The following ANO2 variants were observed in gnomAD, a reference collection of about 807,000 sequenced individuals.
The protein encoded by ANO2 is anoctamin-2.
A neutral mutation model predicts 124.2 loss-of-function variants in ANO2; 101 were observed. That is an observed-to-expected ratio of 0.81 (90% CI 0.69 to 0.96). The LOEUF (loss-of-function observed/expected upper bound fraction) is 0.96. Ranked by LOEUF, ANO2 falls within the 40% of genes least tolerant of loss-of-function variation. The pLI, the probability that ANO2 is intolerant of heterozygous loss-of-function variation, is 0.00. For synonymous variants in ANO2, 486 were observed against 482.5 expected, an observed-to-expected ratio of 1.01 and a Z score of -0.09; for missense variants, 1,293 against 1,274.5, an observed-to-expected ratio of 1.01 and a Z score of -0.22.
chr12:5,896,199 T>G (rs1939774128), intron 3 of ANO2, among the ~76,000 whole-genome samples: 1 of 151,964 alleles, frequency 6.6e-6, no homozygotes, highest in Non-Finnish European at 1.5e-5. Flanking sequence ...TCCACTAAAA[T>G]CTCAGAAATA....
chr12:5,743,678 A>G (rs911144990), intron 12 of ANO2, among the ~76,000 whole-genome samples: 1 of 152,196 alleles, frequency 6.6e-6, no homozygotes, highest in African/African-American at 2.4e-5. Context: ...CAGGGACAGT[A>G]CAGTCTACAC....
intron 23 of ANO2, among the ~76,000 whole-genome samples, chr12:5,573,106 C>T (rs1008734601): frequency 7.2e-5 from 11 of 152,206 alleles, no homozygotes; most frequent in African/African-American, 2.7e-4. Context: ...AACTTAAAAA[C>T]ACAGTCAACA....
chr12:5,894,766 G>A lies in ANO2; in HGVS notation c.534+26274C>T, dbSNP rs186986424. On this transcript the variant is annotated intron_variant, in intron 3 of 24. Coordinates refer to ENST00000682330, the MANE Select transcript of ANO2 (RefSeq NM_001364791.2). ...ATAGGGAATCCTTTCCCCATTGCTT[G>A]TTTTTGTCAGGTTTGTCAAAGACCA... Among the ~76,000 whole-genome samples, 674 of 152,226 alleles carry A rather than the reference G, an allele frequency of 4.4e-3. 2 individuals are homozygous for A. The highest frequency in any genetic ancestry group is 7.1e-3 in the Non-Finnish European group (486 of 68,008).
At chr12:5,718,847 C>T (rs192761628) in intron 14 of ANO2, among the ~76,000 whole-genome samples, 1 of 152,168 alleles carries the variant, frequency 6.6e-6, no homozygotes, top group African/African-American at 2.4e-5. Context: ...GCTGGACTGC[C>T]CTTCCCTTGG....
At chr12:5,899,149 T>C (rs991502974) in intron 3 of ANO2, among the ~76,000 whole-genome samples, 1 of 152,154 alleles carries the variant, frequency 6.6e-6, no homozygotes, top group African/African-American at 2.4e-5. Flanking sequence ...GTAAACTCAT[T>C]GATTGAGACA....
At chr12:5,566,119 T>TCCC (rs1257914737) in intron 23 of ANO2, among the ~76,000 whole-genome samples, 1 of 152,240 alleles carries the variant, frequency 6.6e-6, no homozygotes, top group Admixed American at 6.5e-5. Flanking sequence ...TTGGGCTTCT[T>TCCC]CCCCTTCCAG....
chr12:5,822,121 C>T (rs1394286521), intron 7 of ANO2, among the ~76,000 whole-genome samples: 1 of 152,214 alleles, frequency 6.6e-6, no homozygotes, highest in Non-Finnish European at 1.5e-5. Context: ...GAAATCTTCC[C>T]AGTGGGCACT....
At chr12:5,855,757 T>A (rs946350594) in intron 3 of ANO2, among the ~76,000 whole-genome samples, 1 of 152,206 alleles carries the variant, frequency 6.6e-6, no homozygotes, top group African/African-American at 2.4e-5. Context: ...AGGGAAAATG[T>A]AAATGATTTG....
In ANO2 at chr12:5,610,563, TA is replaced by T. The variant is rs1944462975; in HGVS notation, c.2087+2092del. 2.1e-5 allele frequency among the ~76,000 whole-genome samples: 3 copies of T among 142,348 alleles called. No homozygotes were observed. The South Asian group carries it at 6.4e-4, about 30-fold the overall frequency. The allele number at this position is 142,348 out of a possible 152,430, so 93.4% of individuals were successfully genotyped here. ...TATTTTATGTTTTATAAAATATATA[TA>T]AAACAAATATATTTATATTTATATT... On this transcript the variant is annotated intron_variant, in intron 19 of 24. Transcript: ENST00000682330.
At chr12:5,598,989 C>T (rs1943798662) in intron 20 of ANO2, among the ~76,000 whole-genome samples, 1 of 152,192 alleles carries the variant, frequency 6.6e-6, no homozygotes, top group Non-Finnish European at 1.5e-5. Context: ...AAGCTTTCAT[C>T]TTATCCAGCC....
chr12:5,848,899 C>T (rs146733779), intron 4 of ANO2, among the ~76,000 whole-genome samples: 344 of 152,274 alleles, frequency 2.3e-3, no homozygotes, highest in African/African-American at 7.3e-3. Flanking sequence ...AATAACAATA[C>T]CAACAGCAGT....
At chr12:5,845,934 A>G (rs1954672939) in intron 4 of ANO2, among the ~76,000 whole-genome samples, 5 of 152,262 alleles carry the variant, frequency 3.3e-5, no homozygotes, top group Admixed American at 3.3e-4. Context: ...TATTAACTAT[A>G]TTTAAAACTC....
intron 14 of ANO2, among the ~76,000 whole-genome samples, chr12:5,683,352 T>C (rs1013441949): frequency 6.6e-6 from 1 of 152,166 alleles, no homozygotes; most frequent in Non-Finnish European, 1.5e-5. Context: ...CAGAGGTCTT[T>C]AGGAGATTCA....
chr12:5,617,324 C>T (rs541603919), intron 16 of ANO2, among the ~76,000 whole-genome samples: 2 of 151,756 alleles, frequency 1.3e-5, no homozygotes, highest in African/African-American at 4.8e-5. Context: ...TGTATCACAA[C>T]CTCAAGCTCA....
chr12:5,735,957 C>T (rs1950843824), intron 13 of ANO2, among the ~76,000 whole-genome samples: 1 of 152,204 alleles, frequency 6.6e-6, no homozygotes, highest in South Asian at 2.1e-4. Context: ...TCAGATAAGG[C>T]CACACTCTCT....
chr12:5,717,601 C>T (rs1950070363), intron 14 of ANO2, among the ~76,000 whole-genome samples: 1 of 152,316 alleles, frequency 6.6e-6, no homozygotes, highest in African/African-American at 2.4e-5. Context: ...GCACCCAATC[C>T]TCTTGCCTCC....
intron 11 of ANO2, among the ~76,000 whole-genome samples, chr12:5,747,556 G>GA (rs2137087304): frequency 6.6e-6 from 1 of 152,192 alleles, no homozygotes; most frequent in African/African-American, 2.4e-5. Flanking sequence ...TCCTGAGTCT[G>GA]AAAAAACAAC....
chr12:5,688,107 G>T (rs953817878), intron 14 of ANO2, among the ~76,000 whole-genome samples: 1 of 152,148 alleles, frequency 6.6e-6, no homozygotes, highest in African/African-American at 2.4e-5. Context: ...AAGACCTTGT[G>T]GGGGGAACAG....
At chr12:5,833,242 C>G (rs1342986192) in intron 4 of ANO2, among the ~76,000 whole-genome samples, 2 of 152,118 alleles carry the variant, frequency 1.3e-5, no homozygotes, top group African/African-American at 4.8e-5. Context: ...AGATTTAGTA[C>G]CAAGGTAATT....
Sources: gnomAD v4.1 joint callset for allele counts (sites outside exome capture counted in the v4.1 genomes callset) on GRCh38, gnomAD v4.1.1 for gene constraint, MANE v1.5 for transcripts, NCBI Gene and HGNC (gene_info 2026-07-23, HGNC 2026-07-21) for gene names.